DCC: variants seen among roughly 807,000 people sequenced by gnomAD.
The protein encoded by DCC is netrin receptor DCC.
In DCC, 58 loss-of-function variants were observed where a neutral mutation model predicts 172.5. That is an observed-to-expected ratio of 0.34 (90% CI 0.27 to 0.42). DCC has a LOEUF of 0.42. DCC is among the 10% of genes least tolerant of loss of function. DCC has a pLI of 1.00. For synonymous variants in DCC, 709 were observed against 644.5 expected, an observed-to-expected ratio of 1.10 and a Z score of -1.52; for missense variants, 1,740 against 1,791.0, an observed-to-expected ratio of 0.97 and a Z score of 0.51.
At chr18:53,306,692 T>C (rs2057204376) in intron 13 of DCC, among the ~76,000 whole-genome samples, 1 of 152,210 alleles carries the variant, frequency 6.6e-6, no homozygotes, top group Admixed American at 6.5e-5. Context: ...TGCAGACACA[T>C]AGGTGTCTTT....
rs897613941 is a variant in DCC at position 53,041,009 on chromosome 18, C to T, written c.986-22296C>T. The stretch of plus-strand genomic sequence containing the variant: ...TGCCTGTTCACTCTGATTATAGCTT[C>T]TTTTGCTGTGCAGAAGCTCTTTAGT... On this transcript the variant is annotated intron_variant, in intron 5 of 28. Coordinates refer to ENST00000442544, the MANE Select transcript of DCC (RefSeq NM_005215.4). Among the ~76,000 whole-genome samples, 56 of 152,010 alleles carry T rather than the reference C, an allele frequency of 3.7e-4. 1 individual carries two copies.
At chr18:52,838,712 A>G (rs1421655273) in intron 2 of DCC, among the ~76,000 whole-genome samples, 3 of 152,236 alleles carry the variant, frequency 2.0e-5, no homozygotes, top group African/African-American at 7.2e-5. Context: ...AAATGGTTGC[A>G]ACAGCATGTG....
At chr18:53,284,563 T>A (rs949013156) in intron 12 of DCC, among the ~76,000 whole-genome samples, 1 of 152,172 alleles carries the variant, frequency 6.6e-6, no homozygotes, top group African/African-American at 2.4e-5. Flanking sequence ...CCAATAAACC[T>A]CTTTCTTTTG....
chr18:52,870,186 C>T (rs2039297205), intron 2 of DCC, among the ~76,000 whole-genome samples: 3 of 152,308 alleles, frequency 2.0e-5, no homozygotes, highest in South Asian at 4.1e-4. Context: ...CTTGCACACT[C>T]CCTGCAGGTG....
chr18:52,972,326 C>T (rs2041043284), intron 5 of DCC, among the ~76,000 whole-genome samples: 1 of 152,054 alleles, frequency 6.6e-6, no homozygotes, highest in Non-Finnish European at 1.5e-5. Flanking sequence ...TGTAACATGC[C>T]ACTAAAAATA....
Position 53,165,593 on chromosome 18 carries a change from T to G in DCC, c.1418+8081T>G, listed in dbSNP as rs534424975. On this transcript the variant is annotated intron_variant, in intron 8 of 28. Transcript: ENST00000442544. The stretch of plus-strand genomic sequence containing the variant: ...CTCTGCTTCTCTGTAAAATATAAAA[T>G]CATGGCCCTGTACCTCAAAGTGTTT... Among the ~76,000 whole-genome samples the G allele has an allele frequency of 3.3e-5, 5 of 152,248 alleles. No individual in the cohort carries two copies. The South Asian group carries it at 1.0e-3, about 32-fold the overall frequency.
At chr18:53,385,303 T>C (rs980817012) in intron 15 of DCC, among the ~76,000 whole-genome samples, 1 of 152,092 alleles carries the variant, frequency 6.6e-6, no homozygotes, top group African/African-American at 2.4e-5. Context: ...TGTAAACAAA[T>C]AAACAGAGAT....
chr18:52,437,087 A>G (rs1377591411), intron 1 of DCC, among the ~76,000 whole-genome samples: 1 of 152,186 alleles, frequency 6.6e-6, no homozygotes, highest in Non-Finnish European at 1.5e-5. Context: ...TCTTTTAACT[A>G]TGGACCACTA....
intron 28 of DCC, among the ~76,000 whole-genome samples, chr18:53,529,034 T>TCA (rs1555683553): frequency 1.3e-3 from 81 of 64,430 alleles, no homozygotes; most frequent in Middle Eastern, 6.9e-3. Context: ...TCTCTCTCTC[T>TCA]CTCTCACACA....
chr18:53,119,239 C>T (rs1442391849), intron 7 of DCC, among the ~76,000 whole-genome samples: 1 of 151,838 alleles, frequency 6.6e-6, no homozygotes, highest in Admixed American at 6.6e-5. Flanking sequence ...TTTATCTCTG[C>T]TATAAGTCCA....
chr18:52,682,450 C>T (rs2035763542), intron 1 of DCC, among the ~76,000 whole-genome samples: 2 of 152,030 alleles, frequency 1.3e-5, no homozygotes, highest in South Asian at 4.1e-4. Context: ...AAACCTGTCA[C>T]ATTCCAGGAA....
chr18:52,960,414 A>G (rs1056447365), intron 5 of DCC, among the ~76,000 whole-genome samples: 1 of 152,212 alleles, frequency 6.6e-6, no homozygotes, highest in Admixed American at 6.5e-5. Context: ...TAATGTCTAC[A>G]TTTTTAATGT....
At chr18:52,720,022 T>C (rs993769230) in intron 1 of DCC, among the ~76,000 whole-genome samples, 2 of 152,030 alleles carry the variant, frequency 1.3e-5, no homozygotes, top group Non-Finnish European at 2.9e-5. Context: ...AAGATGACTC[T>C]CCTGCTTGAT....
intron 7 of DCC, among the ~76,000 whole-genome samples, chr18:53,146,816 A>T (rs1195858075): frequency 6.6e-6 from 1 of 152,214 alleles, no homozygotes; most frequent in Non-Finnish European, 1.5e-5. Context: ...GTGGATGAAC[A>T]TCTGTATCCT....
chr18:52,943,457 T>A (rs2040494101), intron 5 of DCC, among the ~76,000 whole-genome samples: 1 of 152,182 alleles, frequency 6.6e-6, no homozygotes, highest in African/African-American at 2.4e-5. Flanking sequence ...ATGACTGATG[T>A]TTAGTGAACT....
At chr18:53,310,462 A>C (rs1327606562) in intron 13 of DCC, among the ~76,000 whole-genome samples, 1 of 151,976 alleles carries the variant, frequency 6.6e-6, no homozygotes, top group Non-Finnish European at 1.5e-5. Context: ...TTTGTTAGAC[A>C]GGTGTTTTTT....
At chr18:52,695,026 T>A (rs1162039492) in intron 1 of DCC, among the ~76,000 whole-genome samples, 1 of 152,082 alleles carries the variant, frequency 6.6e-6, no homozygotes, top group Non-Finnish European at 1.5e-5. Context: ...GAAAATCAGA[T>A]TTTATGTGGG....
At chr18:53,410,688 T>A (rs766033249) in intron 20 of DCC, 42 bp downstream of exon 20, 18 of 1,282,110 alleles carry the variant, frequency 1.4e-5, no homozygotes, top group Non-Finnish European at 1.9e-5. Flanking sequence ...TCCTGTGGGA[T>A]TGTTATAAAA....
rs186682597 is a variant in DCC at position 52,674,686 on chromosome 18, G to T, written c.92-77368G>T. Among the ~76,000 whole-genome samples, 58 of 152,302 alleles carry T rather than the reference G, an allele frequency of 3.8e-4. 1 individual carries two copies. Among genetic ancestry groups the T allele is most frequent in the Admixed American group, 3.3e-3 (51 of 15,300 alleles). On this transcript the variant is annotated intron_variant, in intron 1 of 28. Transcript: ENST00000442544. ...GGCACAGCGAATAACTAGTTAAGTTGGGAGTAGAACCCAAATAAATCCTAC... is the reference window on the plus strand; with the variant it reads ...GGCACAGCGAATAACTAGTTAAGTTTGGAGTAGAACCCAAATAAATCCTAC...
Sources: gnomAD v4.1 joint callset for allele counts (sites outside exome capture counted in the v4.1 genomes callset) on GRCh38, gnomAD v4.1.1 for gene constraint, MANE v1.5 for transcripts, NCBI Gene and HGNC (gene_info 2026-07-23, HGNC 2026-07-21) for gene names.